The following AHCTF1 variants were observed in gnomAD, a reference collection of about 807,000 sequenced individuals.
AHCTF1 encodes protein ELYS.
In AHCTF1, 24 loss-of-function variants were observed where a neutral mutation model predicts 248.4. That is an observed-to-expected ratio of 0.10 (90% CI 0.07 to 0.14). The LOEUF (loss-of-function observed/expected upper bound fraction) is 0.14. AHCTF1 is among the 10% of genes least tolerant of loss of function. AHCTF1 has a pLI of 1.00. For missense variants in AHCTF1, 2,206 were observed against 2,636.2 expected, an observed-to-expected ratio of 0.84 and a Z score of 3.57; for synonymous variants, 786 against 929.8, an observed-to-expected ratio of 0.85 and a Z score of 2.81.
chr1:246,904,107 A>C (rs1053517776), intron 6 of AHCTF1, 74 bp from the exon 7 acceptor site: 3 of 1,337,176 alleles, frequency 2.2e-6, no homozygotes, highest in Non-Finnish European at 3.2e-6. Context: ...AAGTAAGTTT[A>C]GTTTGCTTGC....
At chr1:246,870,824 G>A (rs1398272880) in intron 24 of AHCTF1, among the ~76,000 whole-genome samples, 2 of 151,434 alleles carry the variant, frequency 1.3e-5, no homozygotes, top group South Asian at 4.2e-4. Flanking sequence ...CTCCTCCTCA[G>A]AACCAAAAAT....
intron 1 of AHCTF1, among the ~76,000 whole-genome samples, chr1:246,925,738 C>T (rs1438518416): frequency 6.6e-6 from 1 of 152,088 alleles, no homozygotes; most frequent in Non-Finnish European, 1.5e-5. Flanking sequence ...GGAGAGGACC[C>T]CTCATGAATG....
In AHCTF1 at chr1:246,920,369, T is replaced by TA. The variant is rs538674983; in HGVS notation, c.-7-1993dup. On this transcript the variant is annotated intron_variant, in intron 1 of 35. Transcript: ENST00000648844. ...AATCAAGTAGATTTGAAAAAATTTCTAAAAATGAAAAATTAAATAAAAACT... is the reference window on the plus strand; with the variant it reads ...AATCAAGTAGATTTGAAAAAATTTCTAAAAAATGAAAAATTAAATAAAAACT... Among the ~76,000 whole-genome samples the TA allele has an allele frequency of 2.8e-3, 426 of 152,172 alleles. 3 individuals are homozygous for TA. Among genetic ancestry groups the TA allele is most frequent in the African/African-American group, 9.8e-3 (406 of 41,520 alleles).
chr1:246,926,988 C>G (rs563645165), intron 1 of AHCTF1, among the ~76,000 whole-genome samples: 1 of 151,600 alleles, frequency 6.6e-6, no homozygotes, highest in Non-Finnish European at 1.5e-5. Context: ...TCCTGGCTAA[C>G]AAGGTGAAAT....
chr1:246,888,306 C>T (rs1663972571), intron 18 of AHCTF1, 73 bp from the exon 19 acceptor site: 10 of 1,611,876 alleles, frequency 6.2e-6, no homozygotes, highest in Non-Finnish European at 8.5e-6. Flanking sequence ...CTTGTTTTCC[C>T]AAGTTTGTGC....
At chr1:246,842,568 C>A in intron 35 of AHCTF1, 126 bp downstream of exon 35, 1 of 663,862 alleles carries the variant, frequency 1.5e-6, no homozygotes, top group Non-Finnish European at 2.1e-6. Context: ...GGTGACAGAC[C>A]GAGACTCTGT....
rs1553287608 is a variant in AHCTF1 at position 246,857,964 on chromosome 1, CTTTTT to C, written c.4133-155_4133-151del. 5 of 493,326 alleles carry C rather than the reference CTTTTT, an allele frequency of 1.0e-5. No individual in the cohort carries two copies. The African/African-American group carries it at 1.0e-4, about 10-fold the overall frequency. 30.6% of individuals were successfully genotyped at this position (493,326 alleles called of 1,614,324 possible). A position where few individuals can be genotyped will look rare whatever the true frequency, so the allele number is the denominator to read the frequency against. Reference sequence around the variant, plus strand: ...GTTATCAGACTGCTAACACTTTCTTCTTTTTTTTTTTTTGAGATGGAGTCTTGCTG... The same window carrying C: ...GTTATCAGACTGCTAACACTTTCTTCTTTTTTTTGAGATGGAGTCTTGCTG... On this transcript the variant is annotated intron_variant, in intron 29 of 35. Transcript: ENST00000648844.
At chr1:246,887,683 G>C (rs1663923074) in intron 19 of AHCTF1, among the ~76,000 whole-genome samples, 1 of 152,132 alleles carries the variant, frequency 6.6e-6, no homozygotes, top group South Asian at 2.1e-4. Context: ...GCAAAAGATG[G>C]CAGCTTAATC....
At chr1:246,844,547 C>T (rs1660109545) in intron 33 of AHCTF1, among the ~76,000 whole-genome samples, 1 of 151,986 alleles carries the variant, frequency 6.6e-6, no homozygotes, top group African/African-American at 2.4e-5. Context: ...AAAGTGAGAG[C>T]CCTGTCTCTA....
chr1:246,862,755 T>C (rs1558224592), intron 27 of AHCTF1, among the ~76,000 whole-genome samples: 1 of 152,070 alleles, frequency 6.6e-6, no homozygotes, highest in Non-Finnish European at 1.5e-5. Flanking sequence ...ATTATACAAA[T>C]CTAATTACAG....
chr1:246,901,726 G>A (rs977193583), intron 8 of AHCTF1, among the ~76,000 whole-genome samples: 10 of 152,206 alleles, frequency 6.6e-5, no homozygotes, highest in Admixed American at 3.9e-4. Flanking sequence ...ACCGAGATGG[G>A]AGAATTGGTT....
intron 6 of AHCTF1, 27 bp from the exon 7 acceptor site, chr1:246,904,060 C>T (rs767901310): frequency 1.3e-6 from 2 of 1,574,118 alleles, no homozygotes; most frequent in South Asian, 1.1e-5. Flanking sequence ...CGAAGACACG[C>T]TAAATATATT....
At chr1:246,888,065 G>C in intron 19 of AHCTF1, 112 bp downstream of exon 19, 1 of 1,221,266 alleles carries the variant, frequency 8.2e-7, no homozygotes, top group Non-Finnish European at 1.2e-6. Context: ...CTCTTCTTAA[G>C]AAAACAAAAC....
rs1253796926 is a variant in AHCTF1 at position 246,857,900 on chromosome 1, G to A, written c.4133-86C>T. ...TTGCATTATTACTTTTTAAAAAGTTGTTGGGTCTGCTTTTTTGTTCTTTTA... is the reference window on the plus strand; with the variant it reads ...TTGCATTATTACTTTTTAAAAAGTTATTGGGTCTGCTTTTTTGTTCTTTTA... On this transcript the variant is annotated intron_variant, in intron 29 of 35. Coordinates refer to ENST00000648844, the MANE Select transcript of AHCTF1 (RefSeq NM_001323342.2). 7.9e-6 allele frequency: 10 copies of A among 1,266,042 alleles called. No homozygotes were observed. In the South Asian group the frequency reaches 1.0e-4, roughly 13 times the overall value. 78.4% of individuals were successfully genotyped at this position (1,266,042 alleles called of 1,614,324 possible). A position where few individuals can be genotyped will look rare whatever the true frequency, so the allele number is the denominator to read the frequency against.
intron 14 of AHCTF1, 136 bp from the exon 15 acceptor site, chr1:246,892,055 G>A (rs1664242843): frequency 9.5e-7 from 1 of 1,050,322 alleles, no homozygotes; most frequent in Non-Finnish European, 1.3e-6. Context: ...AGACAAGCTA[G>A]AAATGGCAAA....
chr1:246,862,526 G>A (rs568577564), intron 27 of AHCTF1, among the ~76,000 whole-genome samples: 1 of 151,676 alleles, frequency 6.6e-6, no homozygotes, highest in South Asian at 2.1e-4. Context: ...GGTCAACTGA[G>A]TCACAATAGT....
intron 23 of AHCTF1, 104 bp from the exon 24 acceptor site, chr1:246,876,291 T>C: frequency 9.9e-7 from 1 of 1,009,080 alleles, no homozygotes; most frequent in Non-Finnish European, 1.4e-6. Flanking sequence ...CAAAAAATCT[T>C]CCCCCTACCT....
chr1:246,885,317 G>C (rs1663739589), intron 21 of AHCTF1, among the ~76,000 whole-genome samples, 176 bp downstream of exon 21: 1 of 151,992 alleles, frequency 6.6e-6, no homozygotes. Flanking sequence ...ATATATGCAG[G>C]TTTTACATCC....
intron 2 of AHCTF1, 62 bp from the exon 3 acceptor site, chr1:246,916,457 T>C (rs1014162129): frequency 1.4e-6 from 2 of 1,427,178 alleles, no homozygotes; most frequent in African/African-American, 2.9e-5. Flanking sequence ...CAATAACGGT[T>C]AGCTCATTTA....
Sources: gnomAD v4.1 joint callset for allele counts (sites outside exome capture counted in the v4.1 genomes callset) on GRCh38, gnomAD v4.1.1 for gene constraint, MANE v1.5 for transcripts, NCBI Gene and HGNC (gene_info 2026-07-23, HGNC 2026-07-21) for gene names.